Variants in GABRG2 observed in about 807,000 individuals in gnomAD.
GABRG2 encodes gamma-aminobutyric acid type A receptor subunit gamma2.
GABRG2 carries 16 observed loss-of-function variants against 56.4 expected under a neutral mutation model. The observed-to-expected ratio is 0.28, with a 90% confidence interval of 0.19 to 0.43. GABRG2 has a LOEUF of 0.43. Among genes scored for constraint, GABRG2 ranks in the 20% least tolerant of loss-of-function variants. The pLI is 1.00. For synonymous variants in GABRG2, 208 were observed against 205.5 expected (o/e 1.01, Z -0.10); for missense variants, 327 against 582.7 (o/e 0.56, Z 4.52).
chr5:162,110,126 A>T (rs1010471630), intron 6 of GABRG2, among the ~76,000 whole-genome samples: 5 of 152,008 alleles, frequency 3.3e-5, no homozygotes. Flanking sequence ...CCTGATTTGT[A>T]TCACAAGGAA....
chr5:162,140,898 G>A lies in GABRG2; in HGVS notation c.770-1266G>A, dbSNP rs114774163. Among the ~76,000 whole-genome samples the A allele has an allele frequency of 5.2e-3, 787 of 152,276 alleles. 4 individuals carry two copies. Among genetic ancestry groups the A allele is most frequent in the African/African-American group, 0.017 (711 of 41,552 alleles). On this transcript the variant is annotated intron_variant, in intron 6 of 9. Coordinates refer to ENST00000639213, the MANE Select transcript of GABRG2 (RefSeq NM_198904.4). The stretch of plus-strand genomic sequence containing the variant: ...ATTTTAAGAGCAACTTATGCATCAT[G>A]ACTTTAAAAAGAGACTTCAAATTGT...
chr5:162,069,438 G>A (rs1397116896), intron 1 of GABRG2, among the ~76,000 whole-genome samples: 3 of 152,130 alleles, frequency 2.0e-5, no homozygotes, highest in Non-Finnish European at 4.4e-5. Flanking sequence ...AAAAGCAGCT[G>A]AAAAGGATGG....
At chr5:162,087,540 G>A (rs1401709048) in intron 1 of GABRG2, among the ~76,000 whole-genome samples, 3 of 152,060 alleles carry the variant, frequency 2.0e-5, no homozygotes, top group African/African-American at 7.2e-5. Flanking sequence ...ATACAAAGAA[G>A]CATAGAAGGG....
chr5:162,133,597 T>C (rs1422230508), intron 6 of GABRG2, among the ~76,000 whole-genome samples: 1 of 152,168 alleles, frequency 6.6e-6, no homozygotes, highest in African/African-American at 2.4e-5. Context: ...GGAGTTGTTT[T>C]ATTTATGTAT....
chr5:162,093,489 C>T (rs898744774), intron 1 of GABRG2, among the ~76,000 whole-genome samples: 9 of 152,220 alleles, frequency 5.9e-5, no homozygotes, highest in Non-Finnish European at 1.0e-4. Flanking sequence ...ACATATGATC[C>T]TTTAACCTCC....
intron 6 of GABRG2, among the ~76,000 whole-genome samples, chr5:162,125,886 G>T (rs1763310977): frequency 6.6e-6 from 1 of 151,754 alleles, no homozygotes; most frequent in African/African-American, 2.4e-5. Flanking sequence ...TATAAGAGGG[G>T]CTTAACTGGA....
chr5:162,141,359 T>G (rs1293226452), intron 6 of GABRG2, among the ~76,000 whole-genome samples: 2 of 152,206 alleles, frequency 1.3e-5, no homozygotes, highest in African/African-American at 2.4e-5. Context: ...TTAATTCAAA[T>G]GTTCCATAAT....
At position 162,131,345 on chromosome 5, in the gene GABRG2, G is replaced by A. The variant is rs535438387; in HGVS notation, c.770-10819G>A. Among the ~76,000 whole-genome samples, 17 of 152,102 alleles carry A rather than the reference G, an allele frequency of 1.1e-4. No homozygotes were observed. In the South Asian group the frequency reaches 3.3e-3, roughly 30 times the overall value. On this transcript the variant is annotated intron_variant, in intron 6 of 9. Coordinates refer to ENST00000639213, the MANE Select transcript of GABRG2 (RefSeq NM_198904.4). The stretch of plus-strand genomic sequence containing the variant: ...CTAATGTGCGTGGTGAACCTCCAGT[G>A]GTATCGCACGCTGTTTCACAAAAAT...
In GABRG2 at chr5:162,155,495, C is replaced by A. The variant is rs1432472632; in HGVS notation, c.*2127C>A. The A allele has an allele frequency of 6.6e-6, 1 of 152,394 alleles. No individual in the cohort carries two copies. Among genetic ancestry groups the A allele is most frequent in the Admixed American group, 6.6e-5 (1 of 15,218 alleles). 9.4% of individuals were successfully genotyped at this position (152,394 alleles called of 1,614,324 possible). ...CAAAGGGAATTGCCTAACATGTGGA[C>A]TTTTACAATAAAAATGCTGCATTCT... On this transcript the variant is annotated 3_prime_UTR_variant, in exon 10 of 10. Coordinates refer to ENST00000639213, the MANE Select transcript of GABRG2 (RefSeq NM_198904.4).
At chr5:162,137,697 T>G (rs546630683) in intron 6 of GABRG2, among the ~76,000 whole-genome samples, 2 of 152,114 alleles carry the variant, frequency 1.3e-5, no homozygotes, top group East Asian at 1.9e-4. Context: ...GTTAGAGCAC[T>G]CTTTCTTTTT....
At chr5:162,095,220 C>G (rs1429258078) in intron 2 of GABRG2, among the ~76,000 whole-genome samples, 1 of 152,108 alleles carries the variant, frequency 6.6e-6, no homozygotes, top group African/African-American at 2.4e-5. Flanking sequence ...CTAAGAGCAG[C>G]ATTTTCTAAT....
intron 6 of GABRG2, among the ~76,000 whole-genome samples, chr5:162,133,606 A>G (rs1581422865): frequency 6.6e-6 from 1 of 152,092 alleles, no homozygotes; most frequent in Non-Finnish European, 1.5e-5. Context: ...TTATTTATGT[A>G]TATCCCAAGG....
chr5:162,122,267 A>C (rs1286957815), intron 6 of GABRG2, among the ~76,000 whole-genome samples: 1 of 151,984 alleles, frequency 6.6e-6, no homozygotes, highest in Admixed American at 6.6e-5. Context: ...TGAATACTTA[A>C]ACGCAATTCA....
intron 6 of GABRG2, among the ~76,000 whole-genome samples, chr5:162,124,164 G>T (rs2113499568): frequency 6.6e-6 from 1 of 151,924 alleles, no homozygotes; most frequent in Non-Finnish European, 1.5e-5. Context: ...CAGGATAGTA[G>T]TATAAATAAA....
intron 8 of GABRG2, chr5:162,149,850 G>A (rs1765243028): frequency 3.1e-6 from 1 of 327,534 alleles, no homozygotes; most frequent in South Asian, 2.5e-5. Flanking sequence ...CTGACCTCAG[G>A]TGATCCACCT....
chr5:162,114,852 T>G (rs1056595167), intron 6 of GABRG2, among the ~76,000 whole-genome samples: 3 of 152,176 alleles, frequency 2.0e-5, no homozygotes, highest in African/African-American at 7.2e-5. Flanking sequence ...TATATGGACA[T>G]CTGTGCCTGT....
chr5:162,155,519 C>T lies in GABRG2; in HGVS notation c.*2151C>T, dbSNP rs942665079. 7 of 152,500 alleles carry T rather than the reference C, an allele frequency of 4.6e-5. No homozygotes were observed. The highest frequency in any genetic ancestry group is 1.4e-4 in the African/African-American group (6 of 41,418). The allele number at this position is 152,500 out of a possible 1,614,324, so 9.4% of individuals were successfully genotyped here. A position where few individuals can be genotyped will look rare whatever the true frequency, so the allele number is the denominator to read the frequency against. On this transcript the variant is annotated 3_prime_UTR_variant, in exon 10 of 10. Transcript: ENST00000639213. The stretch of plus-strand genomic sequence containing the variant: ...ACTTTTACAATAAAAATGCTGCATT[C>T]TAATCCATGGTGGCATCTCAGTAGT...
At chr5:162,094,031 C>G (rs1362222180) in intron 2 of GABRG2, 52 bp downstream of exon 2, 1 of 1,563,490 alleles carries the variant, frequency 6.4e-7, no homozygotes, top group Non-Finnish European at 8.8e-7. Context: ...ATAAACATGT[C>G]TACTTTAATA....
intron 6 of GABRG2, among the ~76,000 whole-genome samples, chr5:162,134,495 A>C (rs2113554587): frequency 6.6e-6 from 1 of 152,284 alleles, no homozygotes. Context: ...TCACAATATC[A>C]CTGTGAAGTG....
Sources: allele counts gnomAD v4.1 joint callset (sites outside exome capture counted in the v4.1 genomes callset), GRCh38; gene constraint gnomAD v4.1.1; transcripts MANE v1.5; gene names NCBI Gene and HGNC (gene_info 2026-07-23, HGNC 2026-07-21).